PHACTR1: variants seen among roughly 807,000 people sequenced by gnomAD.
PHACTR1 encodes phosphatase and actin regulator 1.
PHACTR1 carries 16 observed loss-of-function variants against 69.2 expected under a neutral mutation model. The observed-to-expected ratio is 0.23, with a 90% CI of 0.16 to 0.35. PHACTR1 has a LOEUF of 0.35. Ranked by LOEUF, PHACTR1 falls within the 10% of genes least tolerant of loss-of-function variation. The pLI, the probability that PHACTR1 is intolerant of heterozygous loss-of-function variation, is 1.00. For missense variants in PHACTR1, 510 were observed against 734.7 expected, an observed-to-expected ratio of 0.69 and a Z score of 3.54; for synonymous variants, 312 against 284.5, an observed-to-expected ratio of 1.10 and a Z score of -0.97.
At chr6:12,882,967 T>C (rs1278255594) in intron 4 of PHACTR1, among the ~76,000 whole-genome samples, 1 of 152,192 alleles carries the variant, frequency 6.6e-6, no homozygotes, top group Non-Finnish European at 1.5e-5. Context: ...TGCAAAGGTC[T>C]TTAAAAGCAC....
intron 4 of PHACTR1, among the ~76,000 whole-genome samples, chr6:12,840,727 G>T (rs768478246): frequency 6.6e-6 from 1 of 152,164 alleles, no homozygotes. Context: ...CAAAAGGAAA[G>T]TACATAGGTC....
intron 6 of PHACTR1, among the ~76,000 whole-genome samples, chr6:13,177,975 G>T (rs1436213698): frequency 2.0e-5 from 3 of 152,170 alleles, no homozygotes; most frequent in East Asian, 3.8e-4. Flanking sequence ...CTCTGATTTG[G>T]TGTTAACTTT....
chr6:12,753,268 C>A (rs1258607212), intron 4 of PHACTR1, among the ~76,000 whole-genome samples: 1 of 152,186 alleles, frequency 6.6e-6, no homozygotes, highest in Non-Finnish European at 1.5e-5. Context: ...GCAGTCAGTG[C>A]AATGAAGAGT....
intron 4 of PHACTR1, among the ~76,000 whole-genome samples, chr6:13,007,479 C>G (rs777240923): frequency 9.2e-5 from 14 of 152,054 alleles, no homozygotes; most frequent in African/African-American, 3.1e-4. Flanking sequence ...GCAGCAATAC[C>G]TAATCCTAAA....
chr6:13,113,745 C>T lies in PHACTR1; in HGVS notation c.416-46459C>T, dbSNP rs146697300. Among the ~76,000 whole-genome samples, 148 of 152,264 alleles carry T rather than the reference C, an allele frequency of 9.7e-4. 3 individuals are homozygous for T. The East Asian group carries it at 0.026, about 27-fold the overall frequency. On this transcript the variant is annotated intron_variant, in intron 5 of 14. Coordinates refer to ENST00000332995, the MANE Select transcript of PHACTR1 (RefSeq NM_030948.6). ...CGGGCTTCTATCTCACCGATGTACC[C>T]ATGGCCCTGTCCGGTGTAGGAAGTC... is the stretch of plus-strand genomic sequence containing the variant.
intron 4 of PHACTR1, among the ~76,000 whole-genome samples, chr6:12,845,987 G>C (rs78613648): frequency 6.6e-6 from 1 of 152,214 alleles, no homozygotes; most frequent in East Asian, 1.9e-4. Context: ...AAGGTGAATA[G>C]TTTAAATGTA....
At chr6:13,257,197 G>C (rs1319567666) in intron 10 of PHACTR1, among the ~76,000 whole-genome samples, 1 of 152,028 alleles carries the variant, frequency 6.6e-6, no homozygotes, top group African/African-American at 2.4e-5. Flanking sequence ...AGAGAGAGGA[G>C]GAGGTGCCAC....
At chr6:13,002,377 T>G (rs967070463) in intron 4 of PHACTR1, among the ~76,000 whole-genome samples, 1 of 152,246 alleles carries the variant, frequency 6.6e-6, no homozygotes, top group African/African-American at 2.4e-5. Flanking sequence ...ATTTTTTTTA[T>G]TTCAGTACTC....
intron 4 of PHACTR1, among the ~76,000 whole-genome samples, chr6:13,013,488 G>C (rs1002476297): frequency 6.6e-6 from 1 of 152,236 alleles, no homozygotes; most frequent in African/African-American, 2.4e-5. Context: ...AGAAAAGGGG[G>C]AGGGGGTTGG....
intron 4 of PHACTR1, among the ~76,000 whole-genome samples, chr6:12,817,766 G>A (rs750528630): frequency 3.9e-5 from 6 of 152,000 alleles, no homozygotes; most frequent in Non-Finnish European, 7.4e-5. Context: ...TATTAGTAAG[G>A]TAAACTATAT....
Position 12,770,668 on chromosome 6 carries a change from C to A in PHACTR1, c.250+20878C>A, listed in dbSNP as rs185976719. ...CGTTTACAGATGATCTGCAGTGCACCGAACTGGCCGTGGCAAGACAAAGAC... is the reference window on the plus strand; with the variant it reads ...CGTTTACAGATGATCTGCAGTGCACAGAACTGGCCGTGGCAAGACAAAGAC... On this transcript the variant is annotated intron_variant, in intron 4 of 14. Transcript: ENST00000332995. Among the ~76,000 whole-genome samples the A allele has an allele frequency of 3.3e-5, 5 of 152,230 alleles. No individual in the cohort carries two copies. In the East Asian group the frequency reaches 9.6e-4, roughly 29 times the overall value.
chr6:12,780,215 T>C (rs778978974), intron 4 of PHACTR1, among the ~76,000 whole-genome samples: 1 of 150,980 alleles, frequency 6.6e-6, no homozygotes, highest in Non-Finnish European at 1.5e-5. Context: ...ATCTAGAAGA[T>C]AGAGTGGTGG....
intron 3 of PHACTR1, among the ~76,000 whole-genome samples, chr6:12,740,702 T>C (rs1764918954): frequency 6.6e-6 from 1 of 152,070 alleles, no homozygotes; most frequent in Admixed American, 6.5e-5. Context: ...TTTTCCAATC[T>C]CCTAAAGGTG....
chr6:12,919,922 C>G (rs763373723), intron 4 of PHACTR1, among the ~76,000 whole-genome samples: 1 of 152,144 alleles, frequency 6.6e-6, no homozygotes, highest in South Asian at 2.1e-4. Flanking sequence ...GGCCTAAATT[C>G]AATTCACACA....
intron 7 of PHACTR1, among the ~76,000 whole-genome samples, chr6:13,185,465 G>GA (rs11290728): frequency 0.02 from 2,880 of 142,192 alleles, 48 homozygotes; most frequent in South Asian, 0.087. Context: ...TTCTCTTAGG[G>GA]AAAAAAAAAA....
chr6:12,789,785 TA>T (rs1243145536), intron 4 of PHACTR1, among the ~76,000 whole-genome samples: 1 of 151,734 alleles, frequency 6.6e-6, no homozygotes, highest in Admixed American at 6.6e-5. Context: ...TTTATTTTAT[TA>T]TTATTATACT....
intron 6 of PHACTR1, among the ~76,000 whole-genome samples, chr6:13,181,007 A>C (rs72823028): frequency 0.021 from 3,218 of 152,210 alleles, 53 homozygotes; most frequent in Non-Finnish European, 0.034. Flanking sequence ...AGAAAAAAAA[A>C]CACACTCTTC....
intron 4 of PHACTR1, among the ~76,000 whole-genome samples, chr6:12,798,783 A>G (rs749826331): frequency 1.3e-5 from 2 of 152,238 alleles, no homozygotes; most frequent in African/African-American, 2.4e-5. Context: ...TTGATGCATA[A>G]TCAAGATGCA....
At chr6:12,720,770 A>C (rs2127556361) in intron 3 of PHACTR1, among the ~76,000 whole-genome samples, 1 of 152,346 alleles carries the variant, frequency 6.6e-6, no homozygotes, top group South Asian at 2.1e-4. Context: ...TTGCATTTTA[A>C]GCAAGAGCTC....
Sources: gnomAD v4.1 joint callset for allele counts (sites outside exome capture counted in the v4.1 genomes callset) on GRCh38, gnomAD v4.1.1 for gene constraint, MANE v1.5 for transcripts, NCBI Gene and HGNC (gene_info 2026-07-23, HGNC 2026-07-21) for gene names.